The following AIG1 variants were observed in gnomAD, a reference collection of about 807,000 sequenced individuals.
The protein encoded by AIG1 is androgen-induced gene 1 protein.
Under a neutral mutation model 31.4 loss-of-function variants are expected in AIG1, and 23 were observed. That is an observed-to-expected ratio of 0.73 (90% confidence interval 0.53 to 1.04). The LOEUF is 1.04. Among genes scored for constraint, AIG1 ranks in the 50% least tolerant of loss-of-function variants. AIG1 has a pLI of 0.00. For synonymous variants in AIG1, 100 were observed against 110.5 expected, an observed-to-expected ratio of 0.90 and a Z score of 0.60; for missense variants, 274 against 295.0, an observed-to-expected ratio of 0.93 and a Z score of 0.52.
At chr6:143,130,488 G>A (rs1034752215) in intron 1 of AIG1, among the ~76,000 whole-genome samples, 2 of 151,792 alleles carry the variant, frequency 1.3e-5, no homozygotes, top group South Asian at 2.1e-4. Context: ...AGGCTGAGGC[G>A]GGTAGATCAC....
chr6:143,188,431 T>C, intron 3 of AIG1: 1 of 985,462 alleles, frequency 1.0e-6, no homozygotes, highest in Non-Finnish European at 1.2e-6. Flanking sequence ...AACATGAAGC[T>C]GTGCTTTAAC....
chr6:143,341,212 G>A (rs1179780887), downstream of AIG1, among the ~76,000 whole-genome samples: 2 of 152,094 alleles, frequency 1.3e-5, no homozygotes, highest in African/African-American at 4.8e-5. Flanking sequence ...AAGTAGGAAA[G>A]TCAAGCAGAA....
At chr6:143,084,974 A>C (rs896910406) in intron 1 of AIG1, among the ~76,000 whole-genome samples, 1 of 152,140 alleles carries the variant, frequency 6.6e-6, no homozygotes, top group Non-Finnish European at 1.5e-5. Context: ...GAGATCGCCA[A>C]ACTCTCGGGC....
At chr6:143,343,469 G>A, downstream of AIG1, 2 of 289,546 alleles carry the variant, frequency 6.9e-6, no homozygotes, top group Non-Finnish European at 1.4e-5. Flanking sequence ...TCATGGCTAC[G>A]TTCCCGCCTG....
intron 1 of AIG1, among the ~76,000 whole-genome samples, chr6:143,117,686 G>C (rs1203923172): frequency 6.6e-6 from 1 of 152,136 alleles, no homozygotes; most frequent in Non-Finnish European, 1.5e-5. Flanking sequence ...CATTAACATA[G>C]AGGCAGTATC....
rs1324794972 is a variant in AIG1, at chr6:143,330,583, C to A, written c.516-2699C>A. ...AGTGCGGGGTAGGGCCTTGAAGAAC[C>A]ATCTAGGGACTCTGGCTTGTACTCT... is the stretch of plus-strand genomic sequence containing the variant. On this transcript the variant is annotated intron_variant, in intron 4 of 5. Coordinates refer to ENST00000357847, the MANE Select transcript of AIG1 (RefSeq NM_016108.4). The surrounding 1 kb of genome is among the most constrained non-coding windows in gnomAD (Gnocchi z 4.4). 1.3e-5 allele frequency among the ~76,000 whole-genome samples: 2 copies of A among 152,082 alleles called. No individual in the cohort carries two copies. The highest frequency in any genetic ancestry group is 2.9e-5 in the Non-Finnish European group (2 of 68,028).
chr6:143,081,981 C>T (rs1353253034), intron 1 of AIG1, among the ~76,000 whole-genome samples: 1 of 151,764 alleles, frequency 6.6e-6, no homozygotes, highest in Non-Finnish European at 1.5e-5. Context: ...TTTCTGATGA[C>T]CCCAGCAGTG....
chr6:143,101,084 A>G (rs1465631767), intron 1 of AIG1, among the ~76,000 whole-genome samples: 1 of 152,120 alleles, frequency 6.6e-6, no homozygotes, highest in East Asian at 1.9e-4. Flanking sequence ...TTTTTCATAT[A>G]ATTTTTTTTG....
intron 1 of AIG1, among the ~76,000 whole-genome samples, chr6:143,073,921 G>A (rs1706195750): frequency 1.3e-5 from 2 of 152,152 alleles, no homozygotes; most frequent in South Asian, 4.1e-4. Flanking sequence ...TTCGCACCAG[G>A]CCTCACCTCC....
chr6:143,195,025 C>G (rs981585770), intron 3 of AIG1, among the ~76,000 whole-genome samples: 2 of 152,206 alleles, frequency 1.3e-5, no homozygotes, highest in Non-Finnish European at 2.9e-5. Flanking sequence ...ATTTATTTAA[C>G]CCCTTGTTTG....
At chr6:143,203,686 T>A (rs964532143) in intron 3 of AIG1, among the ~76,000 whole-genome samples, 1 of 152,132 alleles carries the variant, frequency 6.6e-6, no homozygotes, top group African/African-American at 2.4e-5. Flanking sequence ...TTTCTCACAG[T>A]CTCAGATATC....
At chr6:143,336,630 A>G (rs567250073) in intron 5 of AIG1, among the ~76,000 whole-genome samples, 3 of 152,250 alleles carry the variant, frequency 2.0e-5, no homozygotes, top group Non-Finnish European at 2.9e-5. Context: ...AGTTCAGCTC[A>G]TAATACTTCA....
At chr6:143,260,656 T>A (rs1795709912) in intron 3 of AIG1, among the ~76,000 whole-genome samples, 1 of 152,208 alleles carries the variant, frequency 6.6e-6, no homozygotes, top group Non-Finnish European at 1.5e-5. Context: ...CTGTTTTACA[T>A]ACATTGCCTG....
chr6:143,098,770 C>T (rs7741073), intron 1 of AIG1, among the ~76,000 whole-genome samples: 11,419 of 152,156 alleles, frequency 0.075, 814 homozygotes, highest in East Asian at 0.37. Flanking sequence ...TGTACAACTC[C>T]GGGGTATGTT....
intron 1 of AIG1, among the ~76,000 whole-genome samples, chr6:143,124,988 G>A (rs554171725): frequency 1.3e-4 from 20 of 152,264 alleles, no homozygotes; most frequent in African/African-American, 4.3e-4. Flanking sequence ...CTTTGGGGAG[G>A]ACGTCCTTTT....
In AIG1 at chr6:143,080,131, C is replaced by T. The variant is rs149719170; in HGVS notation, c.141+19065C>T. ...ATCCAGCTAGTCCTGTCTCTCAGTC[C>T]CACCTCTCAACAGGAAAACCCAAGT... On this transcript the variant is annotated intron_variant, in intron 1 of 5. Transcript: ENST00000357847. Among the ~76,000 whole-genome samples the T allele has an allele frequency of 4.4e-3, 665 of 152,228 alleles. 3 individuals are homozygous for T. Among genetic ancestry groups the T allele is most frequent in the Non-Finnish European group, 7.7e-3 (521 of 68,002 alleles).
intron 3 of AIG1, among the ~76,000 whole-genome samples, chr6:143,215,967 A>C (rs1454408988): frequency 6.6e-6 from 1 of 152,168 alleles, no homozygotes; most frequent in African/African-American, 2.4e-5. Context: ...ACTATGTTAG[A>C]ATAAAATTTT....
At chr6:143,231,210 A>G (rs1010986713) in intron 3 of AIG1, among the ~76,000 whole-genome samples, 8 of 152,246 alleles carry the variant, frequency 5.3e-5, no homozygotes, top group African/African-American at 1.9e-4. Context: ...GTGTTAGAGA[A>G]TAAATGAATG....
At position 143,078,716 on chromosome 6, in the gene AIG1, C is replaced by T. The variant is rs185956348; in HGVS notation, c.141+17650C>T. Among the ~76,000 whole-genome samples the T allele has an allele frequency of 2.7e-4, 41 of 152,254 alleles. 1 individual carries two copies. The highest frequency in any genetic ancestry group is 9.6e-4 in the African/African-American group (40 of 41,530). On this transcript the variant is annotated intron_variant, in intron 1 of 5. Transcript: ENST00000357847. ...CTTGAGAACAGTATGGAGGAAACCA[C>T]CCCCATGATTCAATTATCTCCCACT...
Sources: allele counts gnomAD v4.1 joint callset (sites outside exome capture counted in the v4.1 genomes callset), GRCh38; gene constraint gnomAD v4.1.1; non-coding constraint Gnocchi (gnomAD v3.1); transcripts MANE v1.5; gene names NCBI Gene and HGNC (gene_info 2026-07-23, HGNC 2026-07-21).